The following PEAK1 variants were observed in gnomAD, a reference collection of about 807,000 sequenced individuals.
The protein encoded by PEAK1 is pseudopodium enriched atypical kinase 1.
In PEAK1, 54 loss-of-function variants were observed where a neutral mutation model predicts 124.7. That is an observed-to-expected ratio of 0.43 (90% confidence interval 0.35 to 0.54). The LOEUF is 0.54. PEAK1 is among the 20% of genes least tolerant of loss of function. The probability of loss-of-function intolerance (pLI) is 0.01; values close to 1 mark genes in which losing one functional copy is unlikely to be tolerated. For synonymous variants in PEAK1, 719 were observed against 760.0 expected (o/e 0.95, Z 0.89); for missense variants, 2,046 against 2,134.5 (o/e 0.96, Z 0.82).
intron 1 of PEAK1, among the ~76,000 whole-genome samples, chr15:77,377,639 T>C (rs968675326): frequency 3.3e-5 from 5 of 151,974 alleles, no homozygotes; most frequent in Non-Finnish European, 5.9e-5. Flanking sequence ...CCGGCTAATT[T>C]TTGTATTTTT....
chr15:77,209,056 T>C (rs948182590), intron 6 of PEAK1, among the ~76,000 whole-genome samples: 3 of 152,162 alleles, frequency 2.0e-5, no homozygotes, highest in Admixed American at 6.5e-5. Context: ...ACTGACAGTA[T>C]AGATTCAACT....
At chr15:77,305,851 A>T (rs922656531) in intron 2 of PEAK1, among the ~76,000 whole-genome samples, 1 of 152,078 alleles carries the variant, frequency 6.6e-6, no homozygotes, top group Non-Finnish European at 1.5e-5. Context: ...CTGTATTTTT[A>T]TTTGTGTTAT....
intron 1 of PEAK1, among the ~76,000 whole-genome samples, chr15:77,416,582 G>A (rs1157932832): frequency 6.6e-6 from 1 of 152,034 alleles, no homozygotes; most frequent in Non-Finnish European, 1.5e-5. Context: ...CGCAACTTTT[G>A]GAATTAAGTT....
intron 2 of PEAK1, chr15:77,350,838 G>A: frequency 5.1e-6 from 5 of 981,992 alleles, no homozygotes; most frequent in Non-Finnish European, 6.0e-6. Context: ...TGGCTGTTAA[G>A]AAACATAATC....
At chr15:77,346,022 A>G (rs1275090737) in intron 2 of PEAK1, 6 of 985,308 alleles carry the variant, frequency 6.1e-6, no homozygotes, top group Non-Finnish European at 7.2e-6. Context: ...ATGGAAAAGA[A>G]ATCAAGTAGT....
chr15:77,288,785 C>T (rs1232011554), intron 2 of PEAK1, among the ~76,000 whole-genome samples: 5 of 151,904 alleles, frequency 3.3e-5, no homozygotes, highest in Admixed American at 1.3e-4. Flanking sequence ...AAAAATTAGC[C>T]GGGTGTGGTG....
At chr15:77,393,608 C>T (rs2141946456) in intron 1 of PEAK1, among the ~76,000 whole-genome samples, 1 of 152,318 alleles carries the variant, frequency 6.6e-6, no homozygotes, top group Non-Finnish European at 1.5e-5. Flanking sequence ...CTCCTTGGCC[C>T]TGAATAATCA....
At chr15:77,352,428 G>A (rs771476666) in intron 2 of PEAK1, 87 of 985,096 alleles carry the variant, frequency 8.8e-5, no homozygotes, top group Non-Finnish European at 1.0e-4. Context: ...TCAGATACAC[G>A]CACCACTAGG....
At chr15:77,171,352 T>TA (rs978635016) in intron 7 of PEAK1, among the ~76,000 whole-genome samples, 7 of 151,940 alleles carry the variant, frequency 4.6e-5, no homozygotes, top group South Asian at 2.1e-4. Flanking sequence ...CATTTTATTT[T>TA]AAAAAAAACT....
In PEAK1 at chr15:77,158,544, G is replaced by A. The variant is rs1567044157; in HGVS notation, c.3290C>T (p.Pro1097Leu). Reference protein sequence around the residue: ...REDGKEDISDPMDPNPCSATY... With the variant: ...REDGKEDISDLMDPNPCSATY... The stretch of plus-strand genomic sequence containing the variant: ...TGCACTACAAGGGTTCGGGTCCATA[G>A]GATCTGAAATGTCTTCTTTTCCATC... The change falls in exon 8 of 10, where the codon CCT becomes CTT. Residue 1097 changes from proline to leucine, a missense_variant. Coordinates refer to ENST00000682557, the MANE Select transcript of PEAK1 (RefSeq NM_001385026.1). 2 of 1,614,150 alleles carry A rather than the reference G, an allele frequency of 1.2e-6. No individual in the cohort carries two copies.
At chr15:77,216,833 G>A (rs1308957611) in intron 6 of PEAK1, among the ~76,000 whole-genome samples, 1 of 152,184 alleles carries the variant, frequency 6.6e-6, no homozygotes, top group Non-Finnish European at 1.5e-5. Flanking sequence ...CTGCGGACAA[G>A]AGCAGAGATT....
At position 77,246,259 on chromosome 15, in the gene PEAK1, G is replaced by A. The variant is rs576694020; in HGVS notation, c.-115+6108C>T. 4.6e-5 allele frequency among the ~76,000 whole-genome samples: 7 copies of A among 152,150 alleles called. 1 individual carries two copies. Among genetic ancestry groups the A allele is most frequent in the African/African-American group, 9.6e-5 (4 of 41,508 alleles). On this transcript the variant is annotated intron_variant, in intron 6 of 9. Coordinates refer to ENST00000682557, the MANE Select transcript of PEAK1 (RefSeq NM_001385026.1). ...CTTGACCTCATGATCCGCCTGCCTC[G>A]GCCTCCCAAAGTGCTGGGATTACAG...
chr15:77,193,382 CTACTT>C (rs1360373505), intron 6 of PEAK1, among the ~76,000 whole-genome samples: 1 of 152,114 alleles, frequency 6.6e-6, no homozygotes, highest in Non-Finnish European at 1.5e-5. Context: ...GGTGAATGCT[CTACTT>C]ATAATTTAAT....
chr15:77,149,454 C>T (rs539653494), intron 8 of PEAK1, among the ~76,000 whole-genome samples: 1 of 152,128 alleles, frequency 6.6e-6, no homozygotes. Context: ...TTTAAACACA[C>T]CATTTTTAAA....
Position 77,180,863 on chromosome 15 carries a change from T to A in PEAK1, c.1064A>T (p.Glu355Val). Residue 355 changes from glutamate (E) to valine (V), a missense_variant, in exon 7 of 10, where the codon GAG (glutamate) becomes GTG (valine). Coordinates refer to ENST00000682557, the MANE Select transcript of PEAK1 (RefSeq NM_001385026.1). ...CTTCTGGGATAAACTACTGGCTGTC[T>A]CAGAACGTGATTCTTCTGTTAAAGA... ...DSSLTEESRSETASSLSQKIC... is the reference protein window; with the variant it reads ...DSSLTEESRSVTASSLSQKIC... The A allele has an allele frequency of 6.2e-7, 1 of 1,613,954 alleles. No individual in the cohort carries two copies. Among genetic ancestry groups the A allele is most frequent in the Non-Finnish European group, 8.5e-7 (1 of 1,179,958 alleles).
chr15:77,378,568 C>T (rs7175674), intron 1 of PEAK1, among the ~76,000 whole-genome samples: 99,636 of 151,938 alleles, frequency 0.66, 33,644 homozygotes, highest in Non-Finnish European at 0.75. Context: ...TACTAACACA[C>T]TCTTTACTAT....
chr15:77,160,826 C>T (rs1596405394), intron 7 of PEAK1, among the ~76,000 whole-genome samples: 2 of 152,196 alleles, frequency 1.3e-5, no homozygotes, highest in East Asian at 3.8e-4. Flanking sequence ...CTTTCTCCAT[C>T]TCCTGGTTAT....
Position 77,133,469 on chromosome 15 carries a change from A to T in PEAK1, c.3613T>A (p.Tyr1205Asn). 1 of 1,614,224 alleles carries T rather than the reference A, an allele frequency of 6.2e-7. No individual in the cohort carries two copies. The highest frequency in any genetic ancestry group is 8.5e-7 in the Non-Finnish European group (1 of 1,180,044). ...DASSAGSSIS[Y>N]ELKGLDIESY... ...TCAATGTCCAGTCCTTTGAGTTCATAGCTGATGGAAGAACCAGCACTGCTG... is the reference window on the plus strand; with the variant it reads ...TCAATGTCCAGTCCTTTGAGTTCATTGCTGATGGAAGAACCAGCACTGCTG... The change falls in exon 9 of 10, where the codon TAT (tyrosine) becomes AAT (asparagine). Residue 1205 changes from tyrosine to asparagine, a missense_variant. By Grantham distance (143) the Tyr-to-Asn change is moderately radical. Transcript: ENST00000682557. The surrounding 1 kb of genome is among the most constrained non-coding windows in gnomAD (Gnocchi z 4.2).
At chr15:77,392,831 CT>C (rs1426878484) in intron 1 of PEAK1, among the ~76,000 whole-genome samples, 1 of 152,194 alleles carries the variant, frequency 6.6e-6, no homozygotes, top group African/African-American at 2.4e-5. Flanking sequence ...CAAAAATCAT[CT>C]GATTTTTTAA....
Sources: allele counts gnomAD v4.1 joint callset (sites outside exome capture counted in the v4.1 genomes callset), GRCh38; gene constraint gnomAD v4.1.1; non-coding constraint Gnocchi (gnomAD v3.1); transcripts MANE v1.5; gene names NCBI Gene and HGNC (gene_info 2026-07-23, HGNC 2026-07-21).